KLHL6: variants seen among roughly 807,000 people sequenced by gnomAD.
The protein encoded by KLHL6 is kelch-like protein 6.
Under a neutral mutation model 58.6 loss-of-function variants are expected in KLHL6, and 41 were observed. That is an observed-to-expected ratio of 0.70 (90% CI 0.55 to 0.91). The LOEUF (loss-of-function observed/expected upper bound fraction) is 0.91, where lower values mean the gene tolerates loss of function less well. Ranked by LOEUF, KLHL6 falls within the 40% of genes least tolerant of loss-of-function variation. KLHL6 has a pLI of 0.00. For missense variants in KLHL6, 714 were observed against 805.6 expected (o/e 0.89, Z 1.38); for synonymous variants, 338 against 322.7 (o/e 1.05, Z -0.51).
At chr3:183,545,445 G>T (rs1475680871) in intron 1 of KLHL6, among the ~76,000 whole-genome samples, 3 of 152,198 alleles carry the variant, frequency 2.0e-5, no homozygotes, top group Non-Finnish European at 4.4e-5. Flanking sequence ...CACAACTTGA[G>T]CTATGAATGA....
intron 2 of KLHL6, among the ~76,000 whole-genome samples, chr3:183,516,005 G>T (rs980028624): frequency 6.6e-6 from 1 of 152,224 alleles, no homozygotes; most frequent in African/African-American, 2.4e-5. Flanking sequence ...AGCAAATAGA[G>T]AATTCAAAGA....
At position 183,489,266 on chromosome 3, in the gene KLHL6, A is replaced by G. The variant is rs1213835980; in HGVS notation, c.*2661T>C. Reference sequence around the variant, plus strand: ...TCCCTGCAATAGTCTTTGGAGTAAGACTGACTTTTCCTTCACAAATCAGTT... The same window carrying G: ...TCCCTGCAATAGTCTTTGGAGTAAGGCTGACTTTTCCTTCACAAATCAGTT... On this transcript the variant is annotated 3_prime_UTR_variant, in exon 7 of 7. Transcript: ENST00000341319. 1.3e-5 allele frequency: 2 copies of G among 152,114 alleles called. No individual in the cohort carries two copies. The highest frequency in any genetic ancestry group is 4.8e-5 in the African/African-American group (2 of 41,418). The allele number at this position is 152,114 out of a possible 1,614,324, so 9.4% of individuals were successfully genotyped here.
intron 3 of KLHL6, among the ~76,000 whole-genome samples, 179 bp downstream of exon 3, chr3:183,507,880 T>G (rs970718380): frequency 6.6e-6 from 1 of 152,130 alleles, no homozygotes; most frequent in African/African-American, 2.4e-5. Flanking sequence ...ACACGTGGGA[T>G]CGGCCTCATA....
intron 2 of KLHL6, chr3:183,522,947 G>A (rs1005513007): frequency 3.3e-5 from 5 of 152,376 alleles, no homozygotes; most frequent in African/African-American, 9.6e-5. Context: ...TGGGACTACA[G>A]GCGCACGCCA....
chr3:183,539,663 C>G (rs1209526955), intron 1 of KLHL6, among the ~76,000 whole-genome samples: 1 of 150,830 alleles, frequency 6.6e-6, no homozygotes, highest in Non-Finnish European at 1.5e-5. Flanking sequence ...GAGACAAGGT[C>G]GCACTACTGC....
At chr3:183,531,443 G>GTTTTTTTTTTTTTTTT (rs59579259) in intron 1 of KLHL6, among the ~76,000 whole-genome samples, 5 of 90,358 alleles carry the variant, frequency 5.5e-5, no homozygotes, top group Admixed American at 1.5e-4. Flanking sequence ...TTTTGTCTGT[G>GTTTTTTTTTTTTTTTT]TTTTTTTTTT....
rs753679384 is a variant in KLHL6 at position 183,489,749 on chromosome 3, C to T, written c.*2178G>A. The T allele has an allele frequency of 2.0e-5, 3 of 152,242 alleles. No individual in the cohort carries two copies. The highest frequency in any genetic ancestry group is 4.4e-5 in the Non-Finnish European group (3 of 68,044). The allele number at this position is 152,242 out of a possible 1,614,324, so 9.4% of individuals were successfully genotyped here. A position where few individuals can be genotyped will look rare whatever the true frequency, so the allele number is the denominator to read the frequency against. ...ACTGTCACGCTTCTAAGGCACAGAG[C>T]ATTTCACACACCAACATACATTTAT... On this transcript the variant is annotated 3_prime_UTR_variant, in exon 7 of 7. Coordinates refer to ENST00000341319, the MANE Select transcript of KLHL6 (RefSeq NM_130446.4).
intron 1 of KLHL6, among the ~76,000 whole-genome samples, chr3:183,540,766 T>C (rs1036887558): frequency 6.6e-6 from 1 of 152,162 alleles, no homozygotes; most frequent in Non-Finnish European, 1.5e-5. Flanking sequence ...TGGTGATTAT[T>C]CTTTACCTTT....
At chr3:183,512,744 G>A (rs1412367602) in intron 2 of KLHL6, among the ~76,000 whole-genome samples, 1 of 152,018 alleles carries the variant, frequency 6.6e-6, no homozygotes, top group Non-Finnish European at 1.5e-5. Context: ...ACCCACCTTG[G>A]CCTCCCAAAG....
intron 2 of KLHL6, among the ~76,000 whole-genome samples, chr3:183,514,229 A>G (rs1207241261): frequency 6.6e-6 from 1 of 152,214 alleles, no homozygotes; most frequent in Non-Finnish European, 1.5e-5. Context: ...CACTTGAGAT[A>G]AATGCTATGG....
intron 2 of KLHL6, among the ~76,000 whole-genome samples, chr3:183,512,428 A>G (rs754172959): frequency 1.3e-5 from 2 of 152,204 alleles, no homozygotes; most frequent in Non-Finnish European, 2.9e-5. Flanking sequence ...TATCTTTTAG[A>G]CATAACTGAA....
chr3:183,492,558 C>G lies in KLHL6; in HGVS notation c.1500G>C (p.Ala500=), dbSNP rs773878937. 1 of 1,614,242 alleles carries G rather than the reference C, an allele frequency of 6.2e-7. No individual in the cohort carries two copies. ...TGCATTTAGCCTCCACGGGCATGGCCGCCTTCAAACTCCACTTGTTGGTGG... is the reference window on the plus strand; with the variant it reads ...TGCATTTAGCCTCCACGGGCATGGCGGCCTTCAAACTCCACTTGTTGGTGG... The part of the protein sequence containing the change: ...DPSTNKWSLK[A]AMPVEAKCIN... Residue 500 remains alanine (A), a synonymous_variant, in exon 6 of 7, where the codon GCG becomes GCC. Coordinates refer to ENST00000341319, the MANE Select transcript of KLHL6 (RefSeq NM_130446.4). The surrounding 1 kb of genome is among the most constrained non-coding windows in gnomAD (Gnocchi z 5.9).
intron 1 of KLHL6, among the ~76,000 whole-genome samples, chr3:183,538,994 C>G (rs1359249877): frequency 6.6e-6 from 1 of 152,172 alleles, no homozygotes; most frequent in African/African-American, 2.4e-5. Flanking sequence ...GAATCCTGTA[C>G]CCCACCTACC....
chr3:183,538,457 TC>T (rs1712437046), intron 1 of KLHL6, among the ~76,000 whole-genome samples: 2 of 152,296 alleles, frequency 1.3e-5, no homozygotes, highest in South Asian at 4.1e-4. Flanking sequence ...AGGAACGAAC[TC>T]CCCTGTTTCA....
intron 3 of KLHL6, among the ~76,000 whole-genome samples, chr3:183,505,596 C>T (rs1220733092): frequency 6.7e-6 from 1 of 150,224 alleles, no homozygotes; most frequent in African/African-American, 2.5e-5. Context: ...TGAAACTAGA[C>T]ATTAGTTATT....
intron 3 of KLHL6, among the ~76,000 whole-genome samples, chr3:183,505,658 A>T (rs1717980292): frequency 6.6e-6 from 1 of 152,150 alleles, no homozygotes; most frequent in Non-Finnish European, 1.5e-5. Context: ...ATCAGGAAAA[A>T]AAAAAAGGGC....
intron 1 of KLHL6, among the ~76,000 whole-genome samples, chr3:183,551,787 G>C (rs1358873349): frequency 6.6e-6 from 1 of 152,146 alleles, no homozygotes; most frequent in Non-Finnish European, 1.5e-5. Context: ...CATGAGACAG[G>C]GTGGAGGAGG....
intron 4 of KLHL6, among the ~76,000 whole-genome samples, chr3:183,496,596 T>C (rs1231355146): frequency 6.6e-6 from 1 of 152,252 alleles, no homozygotes; most frequent in African/African-American, 2.4e-5. Context: ...TTTGGTAGAC[T>C]GCCATATAGC....
At chr3:183,515,658 C>T (rs978522350) in intron 2 of KLHL6, among the ~76,000 whole-genome samples, 4 of 152,234 alleles carry the variant, frequency 2.6e-5, no homozygotes, top group Admixed American at 1.3e-4. Flanking sequence ...TATTCCCCAA[C>T]ATGGAATCCC....
Sources: allele counts gnomAD v4.1 joint callset (sites outside exome capture counted in the v4.1 genomes callset), GRCh38; gene constraint gnomAD v4.1.1; non-coding constraint Gnocchi (gnomAD v3.1); transcripts MANE v1.5; gene names NCBI Gene and HGNC (gene_info 2026-07-23, HGNC 2026-07-21).